PSME4: variants seen among roughly 807,000 people sequenced by gnomAD.
PSME4 encodes the protein proteasome activator subunit 4.
In PSME4, 89 loss-of-function variants were observed where a neutral mutation model predicts 253.9. The observed-to-expected ratio is 0.35, with a 90% CI of 0.30 to 0.42. The LOEUF is 0.42. PSME4 is among the 10% of genes least tolerant of loss of function. The pLI is 1.00. For synonymous variants in PSME4, 851 were observed against 759.2 expected (o/e 1.12, Z -1.99); for missense variants, 2,014 against 2,195.2 (o/e 0.92, Z 1.65).
chr2:53,883,068 TA>T (rs1679471342), intron 41 of PSME4, among the ~76,000 whole-genome samples: 1 of 152,148 alleles, frequency 6.6e-6, no homozygotes, highest in Non-Finnish European at 1.5e-5. Context: ...AGGTTAATGG[TA>T]ATGGTAGTTT....
At position 53,885,792 on chromosome 2, in the gene PSME4, G is replaced by A. The variant is rs1323517688; in HGVS notation, c.4730-17C>T. The A allele has an allele frequency of 5.1e-6, 8 of 1,577,038 alleles. No individual in the cohort carries two copies. The highest frequency in any genetic ancestry group is 7.0e-6 in the Non-Finnish European group (8 of 1,147,534). On this transcript the variant is annotated splice_polypyrimidine_tract_variant and intron_variant, in intron 40 of 46. Transcript: ENST00000404125. ...ATTTCAATACTATTTTGAAAACAAA[G>A]ATGCAGAGTAAGTCTTTGCCATTCA... is the stretch of plus-strand genomic sequence containing the variant.
chr2:53,864,488 A>T lies in PSME4; in HGVS notation c.*1090T>A. 1 of 152,558 alleles carries T rather than the reference A, an allele frequency of 6.6e-6. No individual in the cohort carries two copies. Among genetic ancestry groups the T allele is most frequent in the East Asian group, 1.9e-4 (1 of 5,204 alleles). 9.5% of individuals were successfully genotyped at this position (152,558 alleles called of 1,614,324 possible). On this transcript the variant is annotated 3_prime_UTR_variant, in exon 47 of 47. Transcript: ENST00000404125. ...TGTAACAAGATAAAGAAAATAATTTAAAAACACAAAAAATGGCATTCAGTG... is the reference window on the plus strand; with the variant it reads ...TGTAACAAGATAAAGAAAATAATTTTAAAACACAAAAAATGGCATTCAGTG...
chr2:53,909,072 T>C (rs1667703505), intron 21 of PSME4, among the ~76,000 whole-genome samples: 1 of 151,850 alleles, frequency 6.6e-6, no homozygotes, highest in South Asian at 2.1e-4. Flanking sequence ...AGAAAAATAA[T>C]AATAATAAAA....
At chr2:53,902,679 G>A (rs1298429882) in intron 27 of PSME4, among the ~76,000 whole-genome samples, 3 of 152,168 alleles carry the variant, frequency 2.0e-5, no homozygotes, top group Non-Finnish European at 4.4e-5. Flanking sequence ...TGCACCAGGG[G>A]TCAGCAAACA....
At chr2:53,895,509 C>T (rs2302876) in intron 33 of PSME4, 74 bp downstream of exon 33, 70,889 of 1,452,654 alleles carry the variant, frequency 0.049, 3,530 homozygotes, top group East Asian at 0.26. Flanking sequence ...CTCTGAACCT[C>T]CCCAGAAACC....
chr2:53,882,711 A>G (rs1458934910), intron 41 of PSME4, among the ~76,000 whole-genome samples: 5 of 152,144 alleles, frequency 3.3e-5, no homozygotes, highest in Non-Finnish European at 7.4e-5. Context: ...TCATAAAACC[A>G]AACATCTACT....
At chr2:53,900,897 T>C (rs1028973614) in intron 28 of PSME4, among the ~76,000 whole-genome samples, 5 of 152,190 alleles carry the variant, frequency 3.3e-5, no homozygotes, top group African/African-American at 1.2e-4. Context: ...GAAAATCTGC[T>C]ATAACTCTCA....
intron 20 of PSME4, among the ~76,000 whole-genome samples, chr2:53,918,761 TGAA>T (rs1019849825): frequency 9.9e-5 from 15 of 152,226 alleles, no homozygotes; most frequent in Non-Finnish European, 2.9e-5. Context: ...TGAATAAGAT[TGAA>T]GAAATCTTTT....
At chr2:53,952,797 G>C (rs1670058736) in intron 1 of PSME4, among the ~76,000 whole-genome samples, 1 of 152,200 alleles carries the variant, frequency 6.6e-6, no homozygotes, top group South Asian at 2.1e-4. Context: ...ACCTCAGGCG[G>C]TAATGCCCAA....
intron 20 of PSME4, among the ~76,000 whole-genome samples, chr2:53,912,280 T>A (rs1017113234): frequency 6.6e-6 from 1 of 152,200 alleles, no homozygotes; most frequent in Non-Finnish European, 1.5e-5. Flanking sequence ...TATTTTGGTA[T>A]GCTGTAGGTC....
At chr2:53,866,548 C>A (rs1023220450) in intron 45 of PSME4, among the ~76,000 whole-genome samples, 199 bp downstream of exon 45, 4 of 152,220 alleles carry the variant, frequency 2.6e-5, no homozygotes, top group Admixed American at 6.5e-5. Flanking sequence ...ATAATTTCCT[C>A]ACTACCAAAA....
At position 53,949,227 on chromosome 2, in the gene PSME4, T is replaced by C; in HGVS notation, c.299A>G (p.Lys100Arg). The C allele has an allele frequency of 4.3e-6, 7 of 1,610,772 alleles. No individual in the cohort carries two copies. The highest frequency in any genetic ancestry group is 5.9e-6 in the Non-Finnish European group (7 of 1,178,432). ...AATTGATACCAGCTCATACAATAAC[T>C]TAATAAAAAGAACATGATCTTCTTT... Reference protein sequence around the residue: ...FSKEDHVLFIKLLYELVSIPK... With the variant: ...FSKEDHVLFIRLLYELVSIPK... The change falls in exon 2 of 47, where the codon AAG becomes AGG. Residue 100 changes from lysine (K) to arginine (R), a missense_variant. Physicochemically the swap from Lys to Arg is conservative, Grantham distance 26. This residue lies in a region of PSME4 where 615 missense variants were observed against 594.4 expected (regional missense o/e 1.03). Transcript: ENST00000404125.
chr2:53,897,568 T>C (rs1680200009), intron 31 of PSME4, among the ~76,000 whole-genome samples: 1 of 152,152 alleles, frequency 6.6e-6, no homozygotes, highest in Non-Finnish European at 1.5e-5. Flanking sequence ...TAAAAAGCTA[T>C]ACCCTCGAGT....
At chr2:53,916,159 A>G (rs1248821014) in intron 20 of PSME4, among the ~76,000 whole-genome samples, 1 of 147,654 alleles carries the variant, frequency 6.8e-6, no homozygotes, top group Non-Finnish European at 1.5e-5. Context: ...AGGAAGGACA[A>G]TTGCTTGAAC....
At chr2:53,875,563 G>T in intron 42 of PSME4, 64 bp downstream of exon 42, 1 of 1,490,922 alleles carries the variant, frequency 6.7e-7, no homozygotes, top group Non-Finnish European at 9.1e-7. Context: ...GCAGCTGACT[G>T]AAATTCTTAG....
intron 10 of PSME4, among the ~76,000 whole-genome samples, chr2:53,930,867 T>C (rs1480358016): frequency 6.6e-6 from 1 of 152,228 alleles, no homozygotes; most frequent in Non-Finnish European, 1.5e-5. Context: ...TCCTCCTCTA[T>C]ATTTGACAAA....
chr2:53,960,531 A>G (rs1670441560), intron 1 of PSME4, among the ~76,000 whole-genome samples: 1 of 152,240 alleles, frequency 6.6e-6, no homozygotes, highest in Admixed American at 6.5e-5. Flanking sequence ...TTTGCAACTA[A>G]CATAATCAAC....
At chr2:53,881,018 T>A (rs1679365093) in intron 41 of PSME4, among the ~76,000 whole-genome samples, 1 of 152,220 alleles carries the variant, frequency 6.6e-6, no homozygotes, top group Non-Finnish European at 1.5e-5. Context: ...TGTGTCTTTC[T>A]AATGAAATTA....
chr2:53,921,268 T>A (rs1668302603), intron 17 of PSME4, among the ~76,000 whole-genome samples, 164 bp from the exon 18 acceptor site: 1 of 152,170 alleles, frequency 6.6e-6, no homozygotes, highest in Non-Finnish European at 1.5e-5. Flanking sequence ...TAATTGTTTT[T>A]TGAAATCAAA....
Sources: allele counts gnomAD v4.1 joint callset (sites outside exome capture counted in the v4.1 genomes callset), GRCh38; gene constraint gnomAD v4.1.1; regional missense constraint gnomAD v4.1.1; transcripts MANE v1.5; gene names NCBI Gene and HGNC (gene_info 2026-07-23, HGNC 2026-07-21).